Variants in OR52N4 observed in about 807,000 individuals in gnomAD.
The protein encoded by OR52N4 is olfactory receptor 52N4.
OR52N4 carries 15 observed loss-of-function variants against 15.0 expected under a neutral mutation model. The ratio of observed to expected loss-of-function variants is 1.00; its 90% CI spans 0.67 to 1.54. OR52N4 has a LOEUF of 1.54. Among genes scored for constraint, OR52N4 ranks in the 40% most tolerant of loss-of-function variants. The pLI is 0.00. For missense variants in OR52N4, 421 were observed against 394.0 expected (o/e 1.07, Z -0.58); for synonymous variants, 143 against 143.7 (o/e 1.00, Z 0.03).
the OR52N4 span, among the ~76,000 whole-genome samples, chr11:5,743,775 A>T: frequency 6.6e-6 from 1 of 152,308 alleles, no homozygotes; most frequent in East Asian, 1.9e-4. Flanking sequence ...CGACATTAAA[A>T]ATATAGAAAG....
chr11:5,728,834 A>T, the OR52N4 span, among the ~76,000 whole-genome samples: 1 of 152,208 alleles, frequency 6.6e-6, no homozygotes, highest in Non-Finnish European at 1.5e-5. Flanking sequence ...ATCACTTTTT[A>T]TAGGGAGAGT....
the OR52N4 span, among the ~76,000 whole-genome samples, chr11:5,728,134 C>G: frequency 1.3e-5 from 2 of 152,134 alleles, no homozygotes; most frequent in Non-Finnish European, 2.9e-5. Flanking sequence ...TGTCTCCAGC[C>G]TCTCAGGAAC....
At position 5,755,247 on chromosome 11, in the gene OR52N4, C is replaced by G; in HGVS notation, c.507C>G (p.Pro169=). ...TTACTTTCCTCACCAAGCTCCTGCC[C>G]TACTGCAGAGGCAATATACTTCCCC... is the stretch of plus-strand genomic sequence containing the variant. ...IPFTFLTKLL[P]YCRGNILPHT... Residue 169 remains proline, a synonymous_variant, in exon 2 of 2, where the codon CCC becomes CCG. Coordinates refer to ENST00000641350, the MANE Select transcript of OR52N4 (RefSeq NM_001005175.5). The G allele has an allele frequency of 6.2e-7, 1 of 1,614,048 alleles. No homozygotes were observed. Among genetic ancestry groups the G allele is most frequent in the Non-Finnish European group, 8.5e-7 (1 of 1,179,978 alleles).
chr11:5,748,770 T>G, the OR52N4 span, among the ~76,000 whole-genome samples: 1 of 151,982 alleles, frequency 6.6e-6, no homozygotes, highest in African/African-American at 2.4e-5. Context: ...TCCCATAGGG[T>G]AGTGGAGAAG....
the OR52N4 span, among the ~76,000 whole-genome samples, chr11:5,747,066 A>G: frequency 9.3e-6 from 1 of 107,936 alleles, no homozygotes; most frequent in African/African-American, 3.7e-5. Context: ...ACCTGTCTGT[A>G]GTAAAAATAC....
chr11:5,729,117 T>TC, the OR52N4 span, among the ~76,000 whole-genome samples: 1 of 130,396 alleles, frequency 7.7e-6, no homozygotes, highest in Non-Finnish European at 1.7e-5. Context: ...AATTGAGATT[T>TC]TTTTTTTTTT....
intron 1 of OR52N4, 55 bp from the exon 2 acceptor site, chr11:5,754,638 G>T: frequency 8.0e-7 from 1 of 1,249,220 alleles, no homozygotes; most frequent in Non-Finnish European, 1.1e-6. Context: ...AGTTGGGGGA[G>T]AGGGAGACAG....
chr11:5,744,665 C>T, the OR52N4 span, among the ~76,000 whole-genome samples: 1 of 150,600 alleles, frequency 6.6e-6, no homozygotes, highest in Non-Finnish European at 1.5e-5. Context: ...GTAATCCCAG[C>T]ACTCTGGGAG....
chr11:5,732,449 C>T, the OR52N4 span, among the ~76,000 whole-genome samples: 1 of 152,168 alleles, frequency 6.6e-6, no homozygotes, highest in Non-Finnish European at 1.5e-5. Context: ...TCATTTGTAA[C>T]CTCCAAGAGA....
At chr11:5,737,083 T>C in the OR52N4 span, 1 of 1,614,094 alleles carries the variant, frequency 6.2e-7, no homozygotes. Context: ...GCCTGTGCTC[T>C]AACCTTGGGG....
At chr11:5,743,076 A>T in the OR52N4 span, among the ~76,000 whole-genome samples, 1 of 152,176 alleles carries the variant, frequency 6.6e-6, no homozygotes, top group Non-Finnish European at 1.5e-5. Context: ...AAACAATAGC[A>T]AGCAGGAGTA....
upstream of OR52N4, among the ~76,000 whole-genome samples, chr11:5,754,051 A>G (rs1438123893): frequency 6.6e-6 from 1 of 151,550 alleles, no homozygotes; most frequent in East Asian, 1.9e-4. Flanking sequence ...CATCATCTCA[A>G]ACATTTATCC....
At chr11:5,750,555 A>G (rs1815421535), upstream of OR52N4, among the ~76,000 whole-genome samples, 1 of 151,980 alleles carries the variant, frequency 6.6e-6, no homozygotes, top group African/African-American at 2.4e-5. Context: ...TTTATACTAA[A>G]TTTTTATAAA....
At chr11:5,735,531 G>A in the OR52N4 span, among the ~76,000 whole-genome samples, 2 of 151,956 alleles carry the variant, frequency 1.3e-5, no homozygotes, top group Non-Finnish European at 2.9e-5. Context: ...TTTGCTCCAG[G>A]CAGGTTGCAG....
the OR52N4 span, among the ~76,000 whole-genome samples, chr11:5,743,645 A>G: frequency 6.6e-6 from 1 of 152,244 alleles, no homozygotes; most frequent in African/African-American, 2.4e-5. Context: ...TTGGATACAC[A>G]ACAAAATCAA....
At chr11:5,737,063 A>G in the OR52N4 span, 2 of 1,614,004 alleles carry the variant, frequency 1.2e-6, no homozygotes, top group African/African-American at 2.7e-5. Context: ...CAAGAATGAA[A>G]TTGAACACTG....
chr11:5,747,519 T>A, the OR52N4 span, among the ~76,000 whole-genome samples: 1 of 151,764 alleles, frequency 6.6e-6, no homozygotes, highest in Non-Finnish European at 1.5e-5. Context: ...TGTATGTGTA[T>A]ATATATGTAT....
the OR52N4 span, among the ~76,000 whole-genome samples, chr11:5,741,768 C>G: frequency 2.6e-4 from 40 of 152,014 alleles, no homozygotes; most frequent in Non-Finnish European, 5.4e-4. Flanking sequence ...AAATAACTGC[C>G]AGAAGCCAGG....
the OR52N4 span, chr11:5,737,924 A>C: frequency 0.13 from 21,238 of 162,192 alleles, 1,658 homozygotes; most frequent in African/African-American, 0.22. Context: ...GTCTGCCTAA[A>C]CAAGCATTAC....
Sources: allele counts gnomAD v4.1 joint callset (sites outside exome capture counted in the v4.1 genomes callset), GRCh38; gene constraint gnomAD v4.1.1; transcripts MANE v1.5; gene names NCBI Gene and HGNC (gene_info 2026-07-23, HGNC 2026-07-21).